The following APBA2 variants were observed in gnomAD, a reference collection of about 807,000 sequenced individuals.
The protein encoded by APBA2 is amyloid-beta A4 precursor protein-binding family A member 2.
APBA2 carries 30 observed loss-of-function variants against 75.0 expected under a neutral mutation model. That is an observed-to-expected ratio of 0.40 (90% CI 0.30 to 0.54). The LOEUF is 0.54. Ranked by LOEUF, APBA2 falls within the 20% of genes least tolerant of loss-of-function variation. APBA2 has a pLI of 0.49. For synonymous variants in APBA2, 444 were observed against 409.6 expected (o/e 1.08, Z -1.01); for missense variants, 801 against 1,016.1 (o/e 0.79, Z 2.88).
chr15:29,111,093 G>A (rs79316744), intron 13 of APBA2, among the ~76,000 whole-genome samples: 3,893 of 152,194 alleles, frequency 0.026, 187 homozygotes, highest in African/African-American at 0.09. Context: ...AAGGAGTCAT[G>A]TGCAATTCTG....
intron 3 of APBA2, among the ~76,000 whole-genome samples, chr15:29,018,755 T>C (rs1436489122): frequency 6.6e-6 from 1 of 151,986 alleles, no homozygotes; most frequent in African/African-American, 2.4e-5. Context: ...ATATGGTAGC[T>C]CCATAAGGAG....
chr15:28,913,735 G>T (rs2033539903), intron 1 of APBA2, among the ~76,000 whole-genome samples: 1 of 152,214 alleles, frequency 6.6e-6, no homozygotes, highest in Admixed American at 6.5e-5. Flanking sequence ...TAGAACGTTA[G>T]CACTTATTTA....
At chr15:29,114,808 GTGTA>G (rs1247191688) in intron 14 of APBA2, among the ~76,000 whole-genome samples, 21 of 151,474 alleles carry the variant, frequency 1.4e-4, no homozygotes, top group African/African-American at 3.4e-4. Flanking sequence ...GTGTGGGTGA[GTGTA>G]TGCGGATGTA....
chr15:29,097,667 T>C (rs1026796370), intron 8 of APBA2, among the ~76,000 whole-genome samples: 4 of 152,236 alleles, frequency 2.6e-5, no homozygotes, highest in Non-Finnish European at 4.4e-5. Flanking sequence ...ATTTTTGTAA[T>C]GAGAACACTT....
At chr15:28,973,679 G>A (rs544039394) in intron 2 of APBA2, among the ~76,000 whole-genome samples, 1 of 152,252 alleles carries the variant, frequency 6.6e-6, no homozygotes, top group Non-Finnish European at 1.5e-5. Flanking sequence ...CCGAAAGAAA[G>A]GTAGGGATAA....
intron 2 of APBA2, among the ~76,000 whole-genome samples, chr15:28,925,834 GC>G (rs1451473342): frequency 6.6e-6 from 1 of 152,070 alleles, no homozygotes; most frequent in Non-Finnish European, 1.5e-5. Context: ...CTCAGATTTT[GC>G]CCCATATATT....
At chr15:29,035,431 C>T (rs1322740276) in intron 3 of APBA2, among the ~76,000 whole-genome samples, 1 of 152,036 alleles carries the variant, frequency 6.6e-6, no homozygotes, top group Non-Finnish European at 1.5e-5. Context: ...GTGCTGGGAC[C>T]CTGCTCAGGC....
intron 6 of APBA2, among the ~76,000 whole-genome samples, chr15:29,089,690 T>TGTTTCAAA (rs1197818568): frequency 1.3e-5 from 2 of 152,180 alleles, no homozygotes; most frequent in Admixed American, 6.5e-5. Context: ...TCCTAAGCGG[T>TGTTTCAAA]GTTTCAAACA....
intron 2 of APBA2, among the ~76,000 whole-genome samples, chr15:28,928,930 T>C (rs896421994): frequency 6.6e-6 from 1 of 152,212 alleles, no homozygotes; most frequent in Non-Finnish European, 1.5e-5. Flanking sequence ...GGTATGGCCC[T>C]GGAGGCTCTG....
At chr15:29,069,905 T>C (rs1324389101) in intron 4 of APBA2, among the ~76,000 whole-genome samples, 2 of 152,372 alleles carry the variant, frequency 1.3e-5, no homozygotes, top group African/African-American at 4.8e-5. Flanking sequence ...ATCCACTGCC[T>C]GCCCTTTACA....
intron 2 of APBA2, among the ~76,000 whole-genome samples, chr15:28,953,802 G>T (rs1003554617): frequency 3.9e-5 from 6 of 152,110 alleles, no homozygotes; most frequent in Non-Finnish European, 8.8e-5. Flanking sequence ...GTGTCAGAGT[G>T]TCCCTGCGGT....
At chr15:28,930,107 C>T (rs1350494430) in intron 2 of APBA2, among the ~76,000 whole-genome samples, 2 of 152,160 alleles carry the variant, frequency 1.3e-5, no homozygotes, top group East Asian at 1.9e-4. Flanking sequence ...CTATGTCTCC[C>T]GTCCCTCCCT....
intron 13 of APBA2, 58 bp from the exon 14 acceptor site, chr15:29,113,818 T>G: frequency 1.3e-6 from 2 of 1,593,558 alleles, no homozygotes; most frequent in South Asian, 1.1e-5. Context: ...GGGGACGTGG[T>G]GGAGCGCCTG....
At chr15:28,969,161 T>TTTCTTTC (rs2036917604) in intron 2 of APBA2, among the ~76,000 whole-genome samples, 1 of 82,882 alleles carries the variant, frequency 1.2e-5, no homozygotes, top group Non-Finnish European at 1.9e-5. Flanking sequence ...TCTTTCTTTC[T>TTTCTTTC]TTCTTTCTTT....
intron 4 of APBA2, among the ~76,000 whole-genome samples, chr15:29,074,487 G>A (rs1346618115): frequency 3.3e-5 from 5 of 152,182 alleles, no homozygotes; most frequent in Non-Finnish European, 5.9e-5. Context: ...TGGTTGGCAG[G>A]GGCTCAGGTT....
intron 4 of APBA2, among the ~76,000 whole-genome samples, chr15:29,059,922 C>A (rs1331640287): frequency 1.3e-5 from 2 of 152,176 alleles, no homozygotes; most frequent in East Asian, 3.9e-4. Flanking sequence ...AGCGGAGACA[C>A]CAGCCAGCCT....
intron 2 of APBA2, among the ~76,000 whole-genome samples, chr15:28,960,781 A>G (rs941955644): frequency 4.9e-5 from 7 of 142,676 alleles, no homozygotes; most frequent in Admixed American, 1.4e-4. Flanking sequence ...TTTTTTTGAG[A>G]CGGAGTGTCA....
rs915401872 is a variant in APBA2, at chr15:28,893,855, G to C, written c.-205+7577G>C. 2.8e-4 allele frequency: 43 copies of C among 152,316 alleles called. 1 individual carries two copies. The highest frequency in any genetic ancestry group is 2.0e-3 in the Admixed American group (31 of 15,298). The allele number at this position is 152,316 out of a possible 1,614,324, so 9.4% of individuals were successfully genotyped here. ...ATTAATTGCATTTTATTAAGTAATGGTTTTCTTCTTGATCACAGGCGTGCC... is the reference window on the plus strand; with the variant it reads ...ATTAATTGCATTTTATTAAGTAATGCTTTTCTTCTTGATCACAGGCGTGCC... On this transcript the variant is annotated intron_variant, in intron 1 of 14. Transcript: ENST00000683413.
At chr15:28,953,632 T>C (rs1050495565) in intron 2 of APBA2, among the ~76,000 whole-genome samples, 4 of 152,158 alleles carry the variant, frequency 2.6e-5, no homozygotes, top group Admixed American at 6.5e-5. Context: ...CCAGATCCAG[T>C]GGTCAGCTCT....
Sources: allele counts gnomAD v4.1 joint callset (sites outside exome capture counted in the v4.1 genomes callset), GRCh38; gene constraint gnomAD v4.1.1; transcripts MANE v1.5; gene names NCBI Gene and HGNC (gene_info 2026-07-23, HGNC 2026-07-21).